Variants in ERI3 observed in about 807,000 individuals in gnomAD.
ERI3 encodes ERI1 exoribonuclease family member 3.
A neutral mutation model predicts 44.4 loss-of-function variants in ERI3; 18 were observed. The observed-to-expected ratio is 0.41, with a 90% CI of 0.28 to 0.60. The LOEUF is 0.60. Ranked by LOEUF, ERI3 falls within the 20% of genes least tolerant of loss-of-function variation. The pLI is 0.36. For synonymous variants in ERI3, 183 were observed against 164.8 expected, an observed-to-expected ratio of 1.11 and a Z score of -0.84; for missense variants, 294 against 435.5, an observed-to-expected ratio of 0.68 and a Z score of 2.89.
intron 4 of ERI3, among the ~76,000 whole-genome samples, chr1:44,317,593 A>G (rs1381510605): frequency 1.3e-5 from 2 of 152,164 alleles, no homozygotes; most frequent in Non-Finnish European, 2.9e-5. Context: ...ATGGAGATGG[A>G]TCAGGTCTAG....
chr1:44,314,153 TGG>T (rs5773825), intron 4 of ERI3, among the ~76,000 whole-genome samples: 3 of 148,238 alleles, frequency 2.0e-5, no homozygotes, highest in African/African-American at 7.4e-5. Context: ...TAAAGTGTGT[TGG>T]GGGGGGGGAG....
chr1:44,353,446 T>A, intron 1 of ERI3: 1 of 985,460 alleles, frequency 1.0e-6, no homozygotes, highest in Non-Finnish European at 1.2e-6. Flanking sequence ...ATACCTATCA[T>A]CCTTTTCAAC....
chr1:44,241,658 ATCTG>A lies in ERI3; in HGVS notation c.931+6277_931+6280del, dbSNP rs1644437553. On this transcript the variant is annotated intron_variant, in intron 8 of 8. Transcript: ENST00000372257. This position sits in a 1 kb window ranked among gnomAD's most constrained non-coding sequence, Gnocchi z 5.6. Reference sequence around the variant, plus strand: ...GCAAGTGCTAATTTGGCCGGCATTGATCTGTCTTTCTGATTTCTTTGTCATTTAA... The same window carrying A: ...GCAAGTGCTAATTTGGCCGGCATTGATCTTTCTGATTTCTTTGTCATTTAA... 6.6e-6 allele frequency among the ~76,000 whole-genome samples: 1 copy of A among 152,122 alleles called. No homozygotes were observed. Among genetic ancestry groups the A allele is most frequent in the African/African-American group, 2.4e-5 (1 of 41,410 alleles).
chr1:44,231,459 G>A (rs762444588), intron 8 of ERI3, among the ~76,000 whole-genome samples: 10 of 151,940 alleles, frequency 6.6e-5, no homozygotes, highest in African/African-American at 1.9e-4. Context: ...CCACAGTCTC[G>A]ACCTCTTGGG....
chr1:44,247,838 C>G, intron 8 of ERI3, 101 bp downstream of exon 8: 1 of 883,946 alleles, frequency 1.1e-6, no homozygotes, highest in Non-Finnish European at 1.7e-6. Flanking sequence ...CCTGTTGGGG[C>G]ACTGAATGAG....
chr1:44,318,197 C>A (rs1312810382), intron 4 of ERI3, among the ~76,000 whole-genome samples: 1 of 152,178 alleles, frequency 6.6e-6, no homozygotes, highest in Admixed American at 6.5e-5. Flanking sequence ...TGCCCAGGGT[C>A]CAGCTCCAGC....
Position 44,228,308 on chromosome 1 carries a change from CA to C in ERI3, c.932-6669del, listed in dbSNP as rs1275020482. On this transcript the variant is annotated intron_variant, in intron 8 of 8. Coordinates refer to ENST00000372257, the MANE Select transcript of ERI3 (RefSeq NM_024066.3). This position sits in a 1 kb window ranked among gnomAD's most constrained non-coding sequence, Gnocchi z 4.3. ...ATGGTGAAGGATGACGATGGTTCCA[CA>C]ATAAGGGGAAAAGGCAATTTCATCT... is the stretch of plus-strand genomic sequence containing the variant. Among the ~76,000 whole-genome samples the C allele has an allele frequency of 6.6e-6, 1 of 152,160 alleles. No individual in the cohort carries two copies.
intron 5 of ERI3, among the ~76,000 whole-genome samples, chr1:44,312,442 G>A (rs1009991713): frequency 1.3e-5 from 2 of 152,042 alleles, no homozygotes; most frequent in African/African-American, 4.8e-5. Context: ...GACAAGCTAA[G>A]ACCAAGCACT....
intron 7 of ERI3, among the ~76,000 whole-genome samples, chr1:44,255,449 G>T (rs571130982): frequency 5.9e-5 from 9 of 152,036 alleles, no homozygotes; most frequent in African/African-American, 2.2e-4. Context: ...TTTGGTCATC[G>T]TATCTGTGTA....
intron 3 of ERI3, among the ~76,000 whole-genome samples, chr1:44,334,456 A>C (rs985598829): frequency 6.6e-6 from 1 of 152,232 alleles, no homozygotes; most frequent in Admixed American, 6.5e-5. Flanking sequence ...TAATTCTCCT[A>C]AACCAGATAA....
chr1:44,339,339 T>TA lies in ERI3; in HGVS notation c.212-18_212-17insT, dbSNP rs1210109511. ...CATCTAAAACTTAGGGGAGGAAAGTTTAAAAAAAAAAAAAAAAAAGAAAAG... is the reference window on the plus strand; with the variant it reads ...CATCTAAAACTTAGGGGAGGAAAGTTATAAAAAAAAAAAAAAAAAAGAAAAG... On this transcript the variant is annotated splice_polypyrimidine_tract_variant and intron_variant, in intron 2 of 8. Coordinates refer to ENST00000372257, the MANE Select transcript of ERI3 (RefSeq NM_024066.3). 1.8e-5 allele frequency: 24 copies of TA among 1,301,266 alleles called. No individual in the cohort carries two copies. Among genetic ancestry groups the TA allele is most frequent in the South Asian group, 7.9e-5 (3 of 37,970 alleles). 80.6% of individuals were successfully genotyped at this position (1,301,266 alleles called of 1,614,324 possible).
intron 8 of ERI3, among the ~76,000 whole-genome samples, chr1:44,247,071 G>C (rs1644569694): frequency 6.6e-6 from 1 of 152,088 alleles, no homozygotes; most frequent in African/African-American, 2.4e-5. Context: ...ATACAGAACT[G>C]AACAGACACA....
intron 3 of ERI3, among the ~76,000 whole-genome samples, chr1:44,321,608 A>G (rs17407636): frequency 0.017 from 2,529 of 152,354 alleles, 47 homozygotes; most frequent in Non-Finnish European, 0.023. Flanking sequence ...GGTGTTGCCC[A>G]TGAATCAGGC....
At chr1:44,319,281 A>C (rs2154329065) in intron 4 of ERI3, among the ~76,000 whole-genome samples, 1 of 152,390 alleles carries the variant, frequency 6.6e-6, no homozygotes, top group Admixed American at 6.5e-5. Context: ...CTGCCTTCCA[A>C]GTGGCTGAAA....
Position 44,337,211 on chromosome 1 carries a change from T to C in ERI3, c.489+1834A>G, listed in dbSNP as rs149712415. Among the ~76,000 whole-genome samples, 3 of 152,276 alleles carry C rather than the reference T, an allele frequency of 2.0e-5. No homozygotes were observed. The East Asian group carries it at 5.8e-4, about 29-fold the overall frequency. ...AAGAAAATACACATATATAAGCATA[T>C]GCCAGAAAGCAGTAAATGCCATAAC... On this transcript the variant is annotated intron_variant, in intron 3 of 8. Coordinates refer to ENST00000372257, the MANE Select transcript of ERI3 (RefSeq NM_024066.3).
At chr1:44,248,375 C>T (rs1644598910) in intron 7 of ERI3, among the ~76,000 whole-genome samples, 1 of 152,146 alleles carries the variant, frequency 6.6e-6, no homozygotes, top group Non-Finnish European at 1.5e-5. Context: ...CCTTGCACCC[C>T]TCCTTAGGAT....
intron 2 of ERI3, among the ~76,000 whole-genome samples, chr1:44,350,833 G>A (rs953653451): frequency 1.3e-5 from 2 of 151,184 alleles, no homozygotes; most frequent in South Asian, 2.1e-4. Flanking sequence ...CCTGCCTCAA[G>A]CCTCAGCCTC....
chr1:44,276,993 C>T (rs1057204707), intron 7 of ERI3, among the ~76,000 whole-genome samples: 2 of 152,198 alleles, frequency 1.3e-5, no homozygotes, highest in African/African-American at 4.8e-5. Context: ...GCATAGAAAT[C>T]CTACTATACT....
chr1:44,284,674 C>T (rs1195639402), intron 7 of ERI3, among the ~76,000 whole-genome samples, 161 bp downstream of exon 7: 7 of 152,124 alleles, frequency 4.6e-5, no homozygotes, highest in African/African-American at 1.7e-4. Flanking sequence ...GAAATAACCA[C>T]ATTTCAGTGC....
Sources: allele counts gnomAD v4.1 joint callset (sites outside exome capture counted in the v4.1 genomes callset), GRCh38; gene constraint gnomAD v4.1.1; non-coding constraint Gnocchi (gnomAD v3.1); transcripts MANE v1.5; gene names NCBI Gene and HGNC (gene_info 2026-07-23, HGNC 2026-07-21).